TBCA: variants seen among roughly 807,000 people sequenced by gnomAD.
The protein encoded by TBCA is tubulin-specific chaperone A.
A neutral mutation model predicts 15.8 loss-of-function variants in TBCA; 6 were observed. That is an observed-to-expected ratio of 0.38 (90% CI 0.21 to 0.75). The LOEUF (loss-of-function observed/expected upper bound fraction) is 0.75, where lower values mean the gene tolerates loss of function less well. Among genes scored for constraint, TBCA ranks in the 30% least tolerant of loss-of-function variants. TBCA has a pLI of 0.46. For missense variants in TBCA, 90 were observed against 131.2 expected (o/e 0.69, Z 1.53); for synonymous variants, 32 against 42.3 (o/e 0.76, Z 0.94).
rs376779633 is a variant in TBCA, at chr5:77,712,744, G to A, written c.54-4397C>T. ...AGATAAAATGATTTATAGAATTTAT[G>A]TGTACCATCTAATGTGAATAGTTAC... On this transcript the variant is annotated intron_variant, in intron 1 of 3. Coordinates refer to ENST00000380377, the MANE Select transcript of TBCA (RefSeq NM_004607.3). 1.6e-4 allele frequency among the ~76,000 whole-genome samples: 25 copies of A among 152,284 alleles called. 1 individual carries two copies. In the East Asian group the frequency reaches 4.0e-3, roughly 25 times the overall value.
intron 2 of TBCA, among the ~76,000 whole-genome samples, chr5:77,693,843 CA>C (rs1408995683): frequency 7.0e-6 from 1 of 143,366 alleles, no homozygotes; most frequent in African/African-American, 2.5e-5. Context: ...GAAAGACTAT[CA>C]TACTGTAAAA....
At chr5:77,692,828 C>A in intron 3 of TBCA, 1 of 1,064,516 alleles carries the variant, frequency 9.4e-7, no homozygotes, top group Non-Finnish European at 1.1e-6. Context: ...GGTTTTTTCC[C>A]CCTCTCAAAC....
At chr5:77,724,223 A>G (rs941851581) in intron 1 of TBCA, among the ~76,000 whole-genome samples, 6 of 152,080 alleles carry the variant, frequency 3.9e-5, no homozygotes, top group Non-Finnish European at 8.8e-5. Context: ...AGTAAGATAT[A>G]TATCTGTCAT....
chr5:77,706,222 A>G (rs571974512), intron 2 of TBCA, among the ~76,000 whole-genome samples: 5 of 152,378 alleles, frequency 3.3e-5, no homozygotes, highest in African/African-American at 1.2e-4. Context: ...GATTTTAAAA[A>G]TAAATTTTAA....
intron 1 of TBCA, among the ~76,000 whole-genome samples, chr5:77,728,857 C>T (rs898575104): frequency 6.6e-6 from 1 of 151,942 alleles, no homozygotes; most frequent in African/African-American, 2.4e-5. Context: ...AAAAGCCTTC[C>T]CTTCCTTGGT....
At chr5:77,762,255 G>T (rs1313279465) in intron 1 of TBCA, among the ~76,000 whole-genome samples, 1 of 152,124 alleles carries the variant, frequency 6.6e-6, no homozygotes, top group Non-Finnish European at 1.5e-5. Context: ...AAATGTATTA[G>T]AATTATTCTA....
rs184940996 is a variant in TBCA, at chr5:77,730,697, A to T, written c.54-22350T>A. 4.0e-4 allele frequency among the ~76,000 whole-genome samples: 61 copies of T among 152,192 alleles called. 2 individuals carry two copies. In the East Asian group the frequency reaches 0.012, roughly 29 times the overall value. On this transcript the variant is annotated intron_variant, in intron 1 of 3. Coordinates refer to ENST00000380377, the MANE Select transcript of TBCA (RefSeq NM_004607.3). Reference sequence around the variant, plus strand: ...TCTTGGAACCTTTCCACTATATCATAATCTCACATCCATCCATCCACCCAC... The same window carrying T: ...TCTTGGAACCTTTCCACTATATCATTATCTCACATCCATCCATCCACCCAC...
In TBCA at chr5:77,693,413, T is replaced by C. The variant is rs1745800677; in HGVS notation, c.160-61A>G. On this transcript the variant is annotated intron_variant, in intron 2 of 3. Transcript: ENST00000380377. ...GCAGAACTTGTAGGTGTTTAGCTCA[T>C]ATCTTGGTAAGTATATCCTTATTAA... 11 of 1,554,242 alleles carry C rather than the reference T, an allele frequency of 7.1e-6. No homozygotes were observed. The South Asian group carries it at 1.3e-4, about 19-fold the overall frequency.
intron 1 of TBCA, among the ~76,000 whole-genome samples, chr5:77,775,959 A>G (rs1230719030): frequency 6.6e-6 from 1 of 151,738 alleles, no homozygotes; most frequent in African/African-American, 2.4e-5. Flanking sequence ...GCCACCGCCG[A>G]CTCTTCCGGC....
chr5:77,757,319 G>A (rs1747498378), intron 1 of TBCA, among the ~76,000 whole-genome samples: 3 of 152,044 alleles, frequency 2.0e-5, no homozygotes, highest in South Asian at 4.2e-4. Context: ...GCCTAGGAAC[G>A]GGACCCCAGC....
At chr5:77,734,301 T>C (rs985165492) in intron 1 of TBCA, among the ~76,000 whole-genome samples, 2 of 152,244 alleles carry the variant, frequency 1.3e-5, no homozygotes, top group African/African-American at 2.4e-5. Flanking sequence ...ATTGCTGCCA[T>C]AGACAGTTAT....
intron 1 of TBCA, among the ~76,000 whole-genome samples, chr5:77,726,866 C>T (rs1456662513): frequency 5.3e-5 from 8 of 152,100 alleles, no homozygotes; most frequent in Admixed American, 6.5e-5. Flanking sequence ...AGCAATATTT[C>T]TATAACTAAG....
In TBCA at chr5:77,776,268, G is replaced by A. The variant is rs1042729085; in HGVS notation, c.-11C>T. 8 of 1,576,136 alleles carry A rather than the reference G, an allele frequency of 5.1e-6. No homozygotes were observed. The highest frequency in any genetic ancestry group is 6.9e-6 in the Non-Finnish European group (8 of 1,161,922). ...GCGAGGATCGGCCATGGTCCCTCGA[G>A]CGCCGCGAGAAGGAGGGGCGGAGAG... On this transcript the variant is annotated 5_prime_UTR_variant, in exon 1 of 4. Coordinates refer to ENST00000380377, the MANE Select transcript of TBCA (RefSeq NM_004607.3).
At chr5:77,757,093 T>C (rs1747493260) in intron 1 of TBCA, among the ~76,000 whole-genome samples, 1 of 152,184 alleles carries the variant, frequency 6.6e-6, no homozygotes, top group African/African-American at 2.4e-5. Context: ...TTTTAGCCAA[T>C]TCAGAGGCTT....
chr5:77,762,518 T>C (rs888293343), intron 1 of TBCA, among the ~76,000 whole-genome samples: 2 of 152,192 alleles, frequency 1.3e-5, no homozygotes, highest in African/African-American at 2.4e-5. Context: ...CCACACGGTA[T>C]TGGGTTAAAA....
chr5:77,752,467 G>GATCC (rs1373399257), intron 1 of TBCA, among the ~76,000 whole-genome samples: 1 of 152,072 alleles, frequency 6.6e-6, no homozygotes, highest in Non-Finnish European at 1.5e-5. Context: ...AGGTTCAAAT[G>GATCC]ATCCTACTGC....
rs1217422565 is a variant in TBCA, at chr5:77,716,696, C to T, written c.54-8349G>A. On this transcript the variant is annotated intron_variant, in intron 1 of 3. Coordinates refer to ENST00000380377, the MANE Select transcript of TBCA (RefSeq NM_004607.3). ...GCCAAAGAACTGTTAAACTCCATAT[C>T]CTTAGCTACTAATTTAAGTAATTCT... Among the ~76,000 whole-genome samples, 3 of 152,280 alleles carry T rather than the reference C, an allele frequency of 2.0e-5. No homozygotes were observed. In the South Asian group the frequency reaches 6.2e-4, roughly 32 times the overall value.
intron 1 of TBCA, among the ~76,000 whole-genome samples, chr5:77,756,811 G>A (rs372783891): frequency 1.3e-5 from 2 of 152,218 alleles, no homozygotes; most frequent in East Asian, 1.9e-4. Flanking sequence ...CAGAGCGTTA[G>A]ACCTAAGAAG....
At chr5:77,700,622 A>G (rs912483222) in intron 2 of TBCA, among the ~76,000 whole-genome samples, 38 of 152,218 alleles carry the variant, frequency 2.5e-4, no homozygotes, top group African/African-American at 8.9e-4. Flanking sequence ...GGGAACATAA[A>G]ATAGTATAAC....
Sources: gnomAD v4.1 joint callset for allele counts (sites outside exome capture counted in the v4.1 genomes callset) on GRCh38, gnomAD v4.1.1 for gene constraint, MANE v1.5 for transcripts, NCBI Gene and HGNC (gene_info 2026-07-23, HGNC 2026-07-21) for gene names.